Variants in UPF1 observed in about 807,000 individuals in gnomAD.
The protein encoded by UPF1 is UPF1 RNA helicase and ATPase, also known as regulator of nonsense transcripts 1.
UPF1 carries 9 observed loss-of-function variants against 129.2 expected under a neutral mutation model. The ratio of observed to expected loss-of-function variants is 0.07; its 90% CI spans 0.04 to 0.12. The LOEUF (loss-of-function observed/expected upper bound fraction) is 0.12, where lower values mean the gene tolerates loss of function less well. Among genes scored for constraint, UPF1 ranks in the 10% least tolerant of loss-of-function variants. The pLI is 1.00. For missense variants in UPF1, 788 were observed against 1,525.3 expected (o/e 0.52, Z 8.05); for synonymous variants, 649 against 644.9 (o/e 1.01, Z -0.10).
chr19:18,852,577 G>T (rs1205427609), intron 6 of UPF1, among the ~76,000 whole-genome samples: 1 of 152,178 alleles, frequency 6.6e-6, no homozygotes. Context: ...TTAGACTCGG[G>T]CGTGATCCCT....
At chr19:18,842,500 C>T (rs114944028) in intron 1 of UPF1, among the ~76,000 whole-genome samples, 251 of 151,784 alleles carry the variant, frequency 1.7e-3, no homozygotes, top group African/African-American at 5.9e-3. Flanking sequence ...GTGTGGGGGT[C>T]GGATTTCTGT....
chr19:18,841,698 A>T (rs144029220), intron 1 of UPF1, among the ~76,000 whole-genome samples: 2 of 152,098 alleles, frequency 1.3e-5, no homozygotes, highest in African/African-American at 2.4e-5. Context: ...AGTGGATTTC[A>T]TCTCAGGCTG....
chr19:18,856,444 T>G (rs912991332), intron 13 of UPF1, 144 bp downstream of exon 13: 3 of 775,670 alleles, frequency 3.9e-6, no homozygotes, highest in Admixed American at 2.9e-5. Flanking sequence ...TGCGCTCAGT[T>G]GTACAGTAAA....
chr19:18,855,926 C>T lies in UPF1; in HGVS notation c.1546C>T (p.Pro516Ser), dbSNP rs2055712320. The T allele has an allele frequency of 6.2e-7, 1 of 1,613,372 alleles. No individual in the cohort carries two copies. Among genetic ancestry groups the T allele is most frequent in the South Asian group, 1.1e-5 (1 of 91,030 alleles). ...VYHLARQGNG[P>S]VLVCAPSNIA... ...TGAGCTGCCCCAATGGTGTTGCAGGCCGGTGCTGGTGTGTGCTCCGAGCAA... is the reference window on the plus strand; with the variant it reads ...TGAGCTGCCCCAATGGTGTTGCAGGTCGGTGCTGGTGTGTGCTCCGAGCAA... The change falls in exon 12 of 24, where the codon CCG becomes TCG. Residue 516 changes from proline (P) to serine (S), a missense_variant and splice_region_variant. By Grantham distance (74) the Pro-to-Ser change is moderately conservative. Around this residue, in one of 6 missense-constraint regions of UPF1, gnomAD observed 91 missense variants for 157.2 expected, o/e 0.58. Coordinates refer to ENST00000262803, the MANE Select transcript of UPF1 (RefSeq NM_002911.4).
chr19:18,855,921 G>T lies in UPF1; in HGVS notation c.1545-4G>T, dbSNP rs747799604. On this transcript the variant is annotated splice_region_variant and splice_polypyrimidine_tract_variant and intron_variant, in intron 11 of 23. Transcript: ENST00000262803. ...AGCACTGAGCTGCCCCAATGGTGTTGCAGGCCGGTGCTGGTGTGTGCTCCG... is the reference window on the plus strand; with the variant it reads ...AGCACTGAGCTGCCCCAATGGTGTTTCAGGCCGGTGCTGGTGTGTGCTCCG... 1 of 1,613,458 alleles carries T rather than the reference G, an allele frequency of 6.2e-7. No individual in the cohort carries two copies. Among genetic ancestry groups the T allele is most frequent in the South Asian group, 1.1e-5 (1 of 91,012 alleles).
rs151048153 is a variant in UPF1 at position 18,865,766 on chromosome 19, G to A, written c.3225G>A (p.Pro1075=). 1,096 of 1,612,990 alleles carry A rather than the reference G, an allele frequency of 6.8e-4. No homozygotes were observed. Among genetic ancestry groups the A allele is most frequent in the Non-Finnish European group, 8.8e-4 (1,034 of 1,179,962 alleles). ...TGAGCCAGCCCGGCCTCTCCCAGCC[G>A]GAGCTGTCCCAGGTGAGCCCGCCCC... The part of the protein sequence containing the change: ...SQMSQPGLSQ[P]ELSQDSYLGD... Residue 1075 remains proline (P), a synonymous_variant, in exon 22 of 24, where the codon CCG becomes CCA. Coordinates refer to ENST00000262803, the MANE Select transcript of UPF1 (RefSeq NM_002911.4). The surrounding 1 kb of genome is among the most constrained non-coding windows in gnomAD (Gnocchi z 6.1).
intron 1 of UPF1, among the ~76,000 whole-genome samples, chr19:18,842,941 C>T (rs1348722755): frequency 3.3e-5 from 5 of 151,674 alleles, no homozygotes; most frequent in African/African-American, 9.7e-5. Context: ...GAGCCGAGAT[C>T]GCGCCATTGC....
At chr19:18,860,701 G>T in intron 16 of UPF1, 125 bp from the exon 17 acceptor site, 1 of 1,388,224 alleles carries the variant, frequency 7.2e-7, no homozygotes, top group Non-Finnish European at 9.7e-7. Context: ...AAGCTCAGCT[G>T]TGCAAACGCC....
Position 18,860,457 on chromosome 19 carries a change from A to G in UPF1, c.2300+19A>G, listed in dbSNP as rs1461019619. 3.1e-6 allele frequency: 5 copies of G among 1,611,266 alleles called. No individual in the cohort carries two copies. Among genetic ancestry groups the G allele is most frequent in the African/African-American group, 2.7e-5 (2 of 74,952 alleles). ...TGAACAGGTGAGCAGGGACAGGCCCACCGGCGTCTGCAGGTCTTGGGGACA... is the reference window on the plus strand; with the variant it reads ...TGAACAGGTGAGCAGGGACAGGCCCGCCGGCGTCTGCAGGTCTTGGGGACA... On this transcript the variant is annotated intron_variant, in intron 16 of 23. Coordinates refer to ENST00000262803, the MANE Select transcript of UPF1 (RefSeq NM_002911.4).
chr19:18,854,022 C>T (rs1433927415), intron 8 of UPF1, among the ~76,000 whole-genome samples: 7 of 152,196 alleles, frequency 4.6e-5, no homozygotes, highest in Non-Finnish European at 1.0e-4. Flanking sequence ...CAAGCTCATC[C>T]TGAACACGTG....
At chr19:18,834,074 C>T (rs2055457946) in intron 1 of UPF1, among the ~76,000 whole-genome samples, 2 of 152,240 alleles carry the variant, frequency 1.3e-5, no homozygotes, top group African/African-American at 2.4e-5. Context: ...GGCCCCACCT[C>T]CTTGTAGTTT....
rs2145961123 is a variant in UPF1, at chr19:18,857,159, G to C, written c.1968+139G>C. 3 of 1,495,934 alleles carry C rather than the reference G, an allele frequency of 2.0e-6. No homozygotes were observed. The South Asian group carries it at 4.0e-5, about 20-fold the overall frequency. The allele number at this position is 1,495,934 out of a possible 1,614,324, so 92.7% of individuals were successfully genotyped here. A position where few individuals can be genotyped will look rare whatever the true frequency, so the allele number is the denominator to read the frequency against. ...GGGGGCTCCCTGAGGGGTTTATAGA[G>C]GGTGGGTTCTGCCAGCTGCACGTCC... On this transcript the variant is annotated intron_variant, in intron 14 of 23. Coordinates refer to ENST00000262803, the MANE Select transcript of UPF1 (RefSeq NM_002911.4).
chr19:18,847,857 G>A (rs769471927), intron 3 of UPF1, 24 bp downstream of exon 3: 2 of 1,608,110 alleles, frequency 1.2e-6, no homozygotes, highest in African/African-American at 1.3e-5. Flanking sequence ...CCATGCATGT[G>A]TGTTTAATCA....
intron 15 of UPF1, 100 bp downstream of exon 15, chr19:18,857,633 G>A (rs949179095): frequency 1.6e-5 from 21 of 1,340,120 alleles, no homozygotes; most frequent in African/African-American, 8.9e-5. Context: ...TCCCCTGAGC[G>A]GCTTCACATA....
intron 15 of UPF1, chr19:18,859,272 T>C (rs1234559965): frequency 1.3e-5 from 2 of 152,220 alleles, no homozygotes; most frequent in Non-Finnish European, 2.9e-5. Flanking sequence ...GCTCTCTAAT[T>C]GATGCACAGC....
chr19:18,841,503 A>T, intron 1 of UPF1, among the ~76,000 whole-genome samples: 1 of 152,282 alleles, frequency 6.6e-6, no homozygotes, highest in East Asian at 1.9e-4. Flanking sequence ...CAGATTCTTT[A>T]CTGGGATCCT....
chr19:18,860,230 C>A, intron 15 of UPF1, 91 bp from the exon 16 acceptor site: 2 of 1,336,244 alleles, frequency 1.5e-6, no homozygotes, highest in South Asian at 1.3e-5. Context: ...ACCTGCAGCA[C>A]TGTAGCGTAG....
At chr19:18,861,847 G>A (rs1042939853) in intron 17 of UPF1, among the ~76,000 whole-genome samples, 163 bp from the exon 18 acceptor site, 3 of 152,128 alleles carry the variant, frequency 2.0e-5, no homozygotes, top group Admixed American at 6.5e-5. Context: ...AAAACAAAAC[G>A]AAATGGCAGC....
chr19:18,854,384 G>A (rs908433680), intron 8 of UPF1, among the ~76,000 whole-genome samples: 12 of 152,240 alleles, frequency 7.9e-5, no homozygotes, highest in African/African-American at 2.9e-4. Flanking sequence ...CTGGGGGTGG[G>A]ACACCGGCTC....
Sources: allele counts gnomAD v4.1 joint callset (sites outside exome capture counted in the v4.1 genomes callset), GRCh38; gene constraint gnomAD v4.1.1; regional missense constraint gnomAD v4.1.1; non-coding constraint Gnocchi (gnomAD v3.1); transcripts MANE v1.5; gene names NCBI Gene and HGNC (gene_info 2026-07-23, HGNC 2026-07-21).